Variants in FAT3 observed in about 807,000 individuals in gnomAD.
FAT3 encodes FAT atypical cadherin 3, also known as protocadherin Fat 3.
FAT3 carries 95 observed loss-of-function variants against 310.2 expected under a neutral mutation model. The ratio of observed to expected loss-of-function variants is 0.31; its 90% CI spans 0.26 to 0.36. The LOEUF (loss-of-function observed/expected upper bound fraction) is 0.36. FAT3 is among the 10% of genes least tolerant of loss of function. The probability of loss-of-function intolerance (pLI) is 1.00; values close to 1 mark genes in which losing one functional copy is unlikely to be tolerated. For synonymous variants in FAT3, 2,314 were observed against 2,192.9 expected, an observed-to-expected ratio of 1.06 and a Z score of -1.54; for missense variants, 5,408 against 5,715.6, an observed-to-expected ratio of 0.95 and a Z score of 1.74.
At chr11:92,625,555 G>C (rs548668263) in intron 3 of FAT3, among the ~76,000 whole-genome samples, 8 of 152,234 alleles carry the variant, frequency 5.3e-5, no homozygotes, top group Non-Finnish European at 1.0e-4. Flanking sequence ...AGCTCACACC[G>C]ATGGCCCAGA....
At chr11:92,622,794 A>T (rs993242938) in intron 3 of FAT3, among the ~76,000 whole-genome samples, 1 of 152,202 alleles carries the variant, frequency 6.6e-6, no homozygotes. Flanking sequence ...AAAGTTAATT[A>T]AAAAGAATTT....
intron 1 of FAT3, among the ~76,000 whole-genome samples, chr11:92,283,573 T>G (rs966752540): frequency 3.3e-5 from 5 of 152,156 alleles, no homozygotes; most frequent in African/African-American, 9.6e-5. Context: ...GCTTTTACAG[T>G]TAATGATGAC....
At chr11:92,319,260 A>G (rs1273202497) in intron 1 of FAT3, among the ~76,000 whole-genome samples, 2 of 152,174 alleles carry the variant, frequency 1.3e-5, no homozygotes, top group Non-Finnish European at 2.9e-5. Flanking sequence ...TCGTTGTTCA[A>G]GTTGATCGGG....
At chr11:92,389,429 AG>A (rs1343728612) in intron 2 of FAT3, among the ~76,000 whole-genome samples, 4 of 152,226 alleles carry the variant, frequency 2.6e-5, no homozygotes, top group Admixed American at 2.6e-4. Context: ...CAACTTCATA[AG>A]GTAGATTATT....
chr11:92,350,276 C>A (rs1167819363), intron 1 of FAT3, among the ~76,000 whole-genome samples: 2 of 151,358 alleles, frequency 1.3e-5, no homozygotes, highest in Non-Finnish European at 2.9e-5. Flanking sequence ...ATAATATGTG[C>A]CTTGCTAACC....
intron 2 of FAT3, among the ~76,000 whole-genome samples, chr11:92,392,747 A>C (rs2134820711): frequency 6.6e-6 from 1 of 152,304 alleles, no homozygotes; most frequent in African/African-American, 2.4e-5. Context: ...AGGTGAAATA[A>C]GTGGCTGAAA....
intron 13 of FAT3, among the ~76,000 whole-genome samples, chr11:92,827,950 T>C (rs1948142441): frequency 6.6e-6 from 1 of 152,162 alleles, no homozygotes; most frequent in Admixed American, 6.5e-5. Context: ...ATTTCAGCAT[T>C]TAAAGAAGCT....
chr11:92,559,485 A>G (rs561135877), intron 3 of FAT3: 8 of 382,378 alleles, frequency 2.1e-5, no homozygotes, highest in African/African-American at 1.1e-4. Flanking sequence ...CCTGGATTCA[A>G]GGGATACCCC....
At chr11:92,595,403 A>G (rs1351693432) in intron 3 of FAT3, among the ~76,000 whole-genome samples, 1 of 152,174 alleles carries the variant, frequency 6.6e-6, no homozygotes, top group Non-Finnish European at 1.5e-5. Context: ...AACGGAACAA[A>G]AAGTGTTTTA....
At chr11:92,614,979 G>C (rs1940732859) in intron 3 of FAT3, among the ~76,000 whole-genome samples, 1 of 152,048 alleles carries the variant, frequency 6.6e-6, no homozygotes, top group Non-Finnish European at 1.5e-5. Context: ...TTCCATTCCT[G>C]CTGAATTGTC....
chr11:92,729,992 T>A (rs1945130594), intron 4 of FAT3, among the ~76,000 whole-genome samples: 1 of 152,144 alleles, frequency 6.6e-6, no homozygotes, highest in Non-Finnish European at 1.5e-5. Flanking sequence ...ATATTTTACT[T>A]TCCTGTTTTC....
chr11:92,874,513 A>G (rs1231905754), intron 22 of FAT3, among the ~76,000 whole-genome samples: 1 of 152,196 alleles, frequency 6.6e-6, no homozygotes, highest in East Asian at 1.9e-4. Context: ...AGAATCAGAA[A>G]GCCTAGAGTC....
chr11:92,411,086 A>G (rs1023675995), intron 2 of FAT3, among the ~76,000 whole-genome samples: 11 of 125,852 alleles, frequency 8.7e-5, no homozygotes, highest in South Asian at 4.8e-4. Flanking sequence ...TGAGAACTAT[A>G]TAGATTATAT....
At chr11:92,788,259 G>A (rs867730036) in intron 7 of FAT3, among the ~76,000 whole-genome samples, 1 of 152,060 alleles carries the variant, frequency 6.6e-6, no homozygotes, top group Non-Finnish European at 1.5e-5. Flanking sequence ...CCAAGGTAGG[G>A]CTATTTATCA....
intron 6 of FAT3, chr11:92,766,689 G>A (rs1026817105): frequency 6.6e-6 from 1 of 152,172 alleles, no homozygotes; most frequent in Non-Finnish European, 1.5e-5. Context: ...TTTCTTCATT[G>A]CTACTCAACA....
At chr11:92,691,159 T>G (rs1013697803) in intron 3 of FAT3, among the ~76,000 whole-genome samples, 3 of 152,216 alleles carry the variant, frequency 2.0e-5, no homozygotes, top group African/African-American at 7.2e-5. Flanking sequence ...CTTATATTAC[T>G]GTACATTCTT....
chr11:92,476,674 A>G (rs1360390040), intron 2 of FAT3, among the ~76,000 whole-genome samples: 3 of 152,214 alleles, frequency 2.0e-5, no homozygotes, highest in Non-Finnish European at 4.4e-5. Context: ...CAAGAACAAA[A>G]AGCTTTATAA....
chr11:92,618,348 G>A (rs1336058532), intron 3 of FAT3, among the ~76,000 whole-genome samples: 3 of 152,174 alleles, frequency 2.0e-5, no homozygotes, highest in Admixed American at 6.5e-5. Flanking sequence ...ATTAGGGGTG[G>A]GAGTGTCCCG....
At chr11:92,572,611 G>C (rs1938240345) in intron 3 of FAT3, among the ~76,000 whole-genome samples, 1 of 152,092 alleles carries the variant, frequency 6.6e-6, no homozygotes, top group African/African-American at 2.4e-5. Context: ...CATCAGGTGA[G>C]GTATACAAAT....
Sources: allele counts gnomAD v4.1 joint callset (sites outside exome capture counted in the v4.1 genomes callset), GRCh38; gene constraint gnomAD v4.1.1; transcripts MANE v1.5; gene names NCBI Gene and HGNC (gene_info 2026-07-23, HGNC 2026-07-21).